The following MEF2D variants were observed in gnomAD, a reference collection of about 807,000 sequenced individuals.
MEF2D encodes myocyte-specific enhancer factor 2D.
A neutral mutation model predicts 59.3 loss-of-function variants in MEF2D; 10 were observed. That is an observed-to-expected ratio of 0.17 (90% CI 0.10 to 0.29). The LOEUF is 0.29. Ranked by LOEUF, MEF2D falls within the 10% of genes least tolerant of loss-of-function variation. MEF2D has a pLI of 1.00. For missense variants in MEF2D, 508 were observed against 699.4 expected (o/e 0.73, Z 3.09); for synonymous variants, 305 against 295.0 (o/e 1.03, Z -0.35).
At chr1:156,480,678 C>G (rs1462855760) in intron 4 of MEF2D, 156 bp downstream of exon 4, 2 of 1,572,500 alleles carry the variant, frequency 1.3e-6, no homozygotes, top group Non-Finnish European at 1.7e-6. Flanking sequence ...TTATCAAACT[C>G]CTCGTCTATC....
At chr1:156,488,095 A>G (rs1672488784) in intron 1 of MEF2D, among the ~76,000 whole-genome samples, 1 of 152,166 alleles carries the variant, frequency 6.6e-6, no homozygotes, top group Non-Finnish European at 1.5e-5. Context: ...AAAGGCTCTC[A>G]AGGCTCTGGC....
At chr1:156,474,831 C>A (rs1190424008) in intron 9 of MEF2D, among the ~76,000 whole-genome samples, 1 of 151,976 alleles carries the variant, frequency 6.6e-6, no homozygotes. Flanking sequence ...AAAAAACAAA[C>A]CCAAAAATAA....
chr1:156,466,289 T>TACA lies in MEF2D; in HGVS notation c.*1353_*1355dup, dbSNP rs913340216. ...AAAATAGAATCTCATTTCATATCAA[T>TACA]ACAACAACAACAAAAAAAAACAGTT... is the stretch of plus-strand genomic sequence containing the variant. On this transcript the variant is annotated 3_prime_UTR_variant, in exon 12 of 12. Coordinates refer to ENST00000348159, the MANE Select transcript of MEF2D (RefSeq NM_005920.4). The TACA allele has an allele frequency of 2.0e-5, 3 of 150,324 alleles. No individual in the cohort carries two copies. 9.3% of individuals were successfully genotyped at this position (150,324 alleles called of 1,614,324 possible).
intron 1 of MEF2D, among the ~76,000 whole-genome samples, chr1:156,486,380 G>A (rs1403776127): frequency 6.6e-6 from 1 of 152,216 alleles, no homozygotes; most frequent in Non-Finnish European, 1.5e-5. Context: ...GGCACACAGA[G>A]GGCAAGGGGA....
chr1:156,498,774 G>A lies in MEF2D; in HGVS notation c.-139+1712C>T, dbSNP rs1480577725. On this transcript the variant is annotated intron_variant, in intron 1 of 11. Coordinates refer to ENST00000348159, the MANE Select transcript of MEF2D (RefSeq NM_005920.4). ...CCAAAGGTCCAAATGCCTATGCTGG[G>A]GCAAGTGGGGAAGGAGCTCCATATA... Among the ~76,000 whole-genome samples, 3 of 152,102 alleles carry A rather than the reference G, an allele frequency of 2.0e-5. No homozygotes were observed. The East Asian group carries it at 5.8e-4, about 29-fold the overall frequency.
intron 1 of MEF2D, among the ~76,000 whole-genome samples, chr1:156,485,856 C>CT (rs1244261374): frequency 2.6e-4 from 38 of 147,860 alleles, no homozygotes; most frequent in South Asian, 1.3e-3. Context: ...CTTTTTTTTT[C>CT]TTTTTTTTTG....
chr1:156,483,419 C>A lies in MEF2D; in HGVS notation c.-127G>T. ...CAGTTCATGGTCTGCAGGATACCTT[C>A]TGCACAGCCTCCTGGAAAGGGAGGG... On this transcript the variant is annotated 5_prime_UTR_variant, in exon 2 of 12. Coordinates refer to ENST00000348159, the MANE Select transcript of MEF2D (RefSeq NM_005920.4). 1.1e-6 allele frequency: 1 copy of A among 884,660 alleles called. No homozygotes were observed. 54.8% of individuals were successfully genotyped at this position (884,660 alleles called of 1,614,324 possible).
chr1:156,480,735 C>T, intron 4 of MEF2D, 99 bp downstream of exon 4: 1 of 1,611,786 alleles, frequency 6.2e-7, no homozygotes. Flanking sequence ...AACACCTCGT[C>T]CACCTCAGGG....
chr1:156,483,142 C>T, intron 2 of MEF2D, 97 bp downstream of exon 2: 1 of 1,285,860 alleles, frequency 7.8e-7, no homozygotes, highest in Non-Finnish European at 1.1e-6. Flanking sequence ...ATAGTTTCCC[C>T]TCTTCCACAA....
Position 156,483,321 on chromosome 1 carries a change from G to A in MEF2D, c.-29C>T. On this transcript the variant is annotated 5_prime_UTR_variant, in exon 2 of 12. Coordinates refer to ENST00000348159, the MANE Select transcript of MEF2D (RefSeq NM_005920.4). ...CTCCGGGGGTCCTCAGTGCTACGGA[G>A]GGGAGGGGCTCGCTGGGTGGTGGGT... is the stretch of plus-strand genomic sequence containing the variant. The A allele has an allele frequency of 1.2e-6, 2 of 1,612,350 alleles. No individual in the cohort carries two copies. Among genetic ancestry groups the A allele is most frequent in the South Asian group, 1.1e-5 (1 of 91,054 alleles).
At chr1:156,469,709 G>C (rs1395020548) in intron 9 of MEF2D, among the ~76,000 whole-genome samples, 1 of 151,830 alleles carries the variant, frequency 6.6e-6, no homozygotes, top group Non-Finnish European at 1.5e-5. Flanking sequence ...GCAACATAAG[G>C]AGACTCCATC....
chr1:156,479,301 G>T lies in MEF2D; in HGVS notation c.653C>A (p.Pro218His). The T allele has an allele frequency of 6.2e-7, 1 of 1,612,626 alleles. No homozygotes were observed. The highest frequency in any genetic ancestry group is 8.5e-7 in the Non-Finnish European group (1 of 1,179,438). The change falls in exon 6 of 12, where the codon CCC (proline) becomes CAC (histidine). Residue 218 changes from proline to histidine, a missense_variant. Coordinates refer to ENST00000348159, the MANE Select transcript of MEF2D (RefSeq NM_005920.4). The part of the protein sequence containing the change: ...GDLNSANGAC[P>H]SPVGNGYVSA... ...ATGACTGCACTCACCAACAGGGCTG[G>T]GGCAGGCTCCGTTAGCACTGTTCAG...
chr1:156,468,643 C>A lies in MEF2D; in HGVS notation c.1247+137G>T. The A allele has an allele frequency of 2.1e-6, 3 of 1,429,148 alleles. No homozygotes were observed. The South Asian group carries it at 4.1e-5, about 19-fold the overall frequency. 88.5% of individuals were successfully genotyped at this position (1,429,148 alleles called of 1,614,324 possible). A position where few individuals can be genotyped will look rare whatever the true frequency, so the allele number is the denominator to read the frequency against. ...GAGAGCCCAGGGGTGCCACTGTTGC[C>A]TAACAGACTGTGCAGTGCACAGCCT... is the stretch of plus-strand genomic sequence containing the variant. On this transcript the variant is annotated intron_variant, in intron 10 of 11. Transcript: ENST00000348159. This position sits in a 1 kb window ranked among gnomAD's most constrained non-coding sequence, Gnocchi z 4.3.
rs1273641450 is a variant in MEF2D at position 156,463,775 on chromosome 1, C to G, written c.*3870G>C. 6.6e-6 allele frequency: 1 copy of G among 152,436 alleles called. No individual in the cohort carries two copies. Among genetic ancestry groups the G allele is most frequent in the African/African-American group, 2.4e-5 (1 of 41,434 alleles). The allele number at this position is 152,436 out of a possible 1,614,324, so 9.4% of individuals were successfully genotyped here. ...CTTTTAATAGTAAACCTCTTTACAA[C>G]AAATATAGTGAAAGAGTTTTCAAAC... On this transcript the variant is annotated 3_prime_UTR_variant, in exon 12 of 12. Transcript: ENST00000348159.
Position 156,468,156 on chromosome 1 carries a change from G to T in MEF2D, c.1391C>A (p.Pro464His). The change falls in exon 11 of 12, where the codon CCT (proline) becomes CAT (histidine). Residue 464 changes from proline (P) to histidine (H), a missense_variant. By Grantham distance (77) the Pro-to-His change is moderately conservative. Coordinates refer to ENST00000348159, the MANE Select transcript of MEF2D (RefSeq NM_005920.4). This position sits in a 1 kb window ranked among gnomAD's most constrained non-coding sequence, Gnocchi z 4.3. The part of the protein sequence containing the change: ...PPPAVFPAAR[P>H]EPGDGLSSPA... Reference sequence around the variant, plus strand: ...GCTGCTGAGACCATCGCCAGGCTCAGGGCGGGCAGCTGGGAACACAGCTGG... The same window carrying T: ...GCTGCTGAGACCATCGCCAGGCTCATGGCGGGCAGCTGGGAACACAGCTGG... 2 of 1,613,934 alleles carry T rather than the reference G, an allele frequency of 1.2e-6. No homozygotes were observed. Among genetic ancestry groups the T allele is most frequent in the Non-Finnish European group, 1.7e-6 (2 of 1,179,854 alleles).
chr1:156,490,254 G>C (rs1337698836), intron 1 of MEF2D, among the ~76,000 whole-genome samples: 1 of 151,722 alleles, frequency 6.6e-6, no homozygotes, highest in African/African-American at 2.4e-5. Flanking sequence ...CTCATGCTCC[G>C]TTCCCTCTGC....
intron 1 of MEF2D, 27 bp from the exon 2 acceptor site, chr1:156,483,457 T>A (rs1672155315): frequency 3.1e-6 from 2 of 650,298 alleles, no homozygotes; most frequent in Non-Finnish European, 5.4e-6. Flanking sequence ...ATGAGAGGTC[T>A]CTGAGCCCCC....
chr1:156,482,804 C>T (rs766499208), intron 2 of MEF2D, among the ~76,000 whole-genome samples, 164 bp from the exon 3 acceptor site: 1 of 152,192 alleles, frequency 6.6e-6, no homozygotes, highest in Non-Finnish European at 1.5e-5. Flanking sequence ...AAGGACCAGG[C>T]TAGTGCCTGT....
intron 1 of MEF2D, among the ~76,000 whole-genome samples, chr1:156,498,387 C>G (rs1377640298): frequency 6.6e-6 from 1 of 152,170 alleles, no homozygotes; most frequent in Non-Finnish European, 1.5e-5. Context: ...GATCATGAGG[C>G]TCTCTGGGTC....
Sources: gnomAD v4.1 joint callset for allele counts (sites outside exome capture counted in the v4.1 genomes callset) on GRCh38, gnomAD v4.1.1 for gene constraint, Gnocchi (gnomAD v3.1) non-coding constraint, MANE v1.5 for transcripts, NCBI Gene and HGNC (gene_info 2026-07-23, HGNC 2026-07-21) for gene names.